The following MAPK8IP3 variants were observed in gnomAD, a reference collection of about 807,000 sequenced individuals.
The protein encoded by MAPK8IP3 is C-Jun-amino-terminal kinase-interacting protein 3.
Under a neutral mutation model 157.8 loss-of-function variants are expected in MAPK8IP3, and 49 were observed. The observed-to-expected ratio is 0.31, with a 90% confidence interval of 0.25 to 0.39. The LOEUF (loss-of-function observed/expected upper bound fraction) is 0.39, where lower values mean the gene tolerates loss of function less well. Ranked by LOEUF, MAPK8IP3 falls within the 10% of genes least tolerant of loss-of-function variation. The probability of loss-of-function intolerance (pLI) is 1.00; values close to 1 mark genes in which losing one functional copy is unlikely to be tolerated. For missense variants in MAPK8IP3, 1,478 were observed against 1,889.4 expected (o/e 0.78, Z 4.04); for synonymous variants, 897 against 777.7 (o/e 1.15, Z -2.55).
intron 8 of MAPK8IP3, 72 bp from the exon 9 acceptor site, chr16:1,758,076 G>A: frequency 6.7e-7 from 1 of 1,485,248 alleles, no homozygotes; most frequent in Non-Finnish European, 9.4e-7. Flanking sequence ...AGAATGTATT[G>A]TTAGTTCCAG....
chr16:1,765,353 C>A (rs1489510793), intron 20 of MAPK8IP3, among the ~76,000 whole-genome samples, 175 bp downstream of exon 20: 1 of 152,210 alleles, frequency 6.6e-6, no homozygotes, highest in Non-Finnish European at 1.5e-5. Flanking sequence ...GGCCCTGTTT[C>A]TGGGAGGAAG....
At chr16:1,730,485 A>G (rs1380117010) in intron 4 of MAPK8IP3, among the ~76,000 whole-genome samples, 2 of 152,048 alleles carry the variant, frequency 1.3e-5, no homozygotes, top group South Asian at 2.1e-4. Context: ...CACGCCTGTC[A>G]TTCCAGCACT....
chr16:1,768,006 G>A (rs971402513), intron 28 of MAPK8IP3, 63 bp from the exon 29 acceptor site: 2 of 1,610,070 alleles, frequency 1.2e-6, no homozygotes, highest in Admixed American at 3.3e-5. Context: ...CACCTTGGAG[G>A]GTGCCTTGCT....
chr16:1,749,595 T>A (rs1277329729), intron 8 of MAPK8IP3, among the ~76,000 whole-genome samples: 2 of 152,248 alleles, frequency 1.3e-5, no homozygotes, highest in Non-Finnish European at 2.9e-5. Flanking sequence ...TGGCATCTGC[T>A]GGCAGCTGAG....
chr16:1,754,626 C>T (rs1215046497), intron 8 of MAPK8IP3, among the ~76,000 whole-genome samples: 1 of 151,936 alleles, frequency 6.6e-6, no homozygotes, highest in African/African-American at 2.4e-5. Context: ...ACAAAAATTA[C>T]CCGGGTGTGG....
intron 11 of MAPK8IP3, 22 bp from the exon 12 acceptor site, chr16:1,760,358 C>A: frequency 6.2e-7 from 1 of 1,601,646 alleles, no homozygotes. Flanking sequence ...CGTGGCACTC[C>A]CATCTTTCTG....
At chr16:1,753,940 G>A (rs191668274) in intron 8 of MAPK8IP3, among the ~76,000 whole-genome samples, 1 of 151,354 alleles carries the variant, frequency 6.6e-6, no homozygotes, top group South Asian at 2.1e-4. Flanking sequence ...CTGGGAGGCC[G>A]AGGCGGGTGG....
At chr16:1,716,289 C>T (rs1298838246) in intron 1 of MAPK8IP3, among the ~76,000 whole-genome samples, 2 of 151,532 alleles carry the variant, frequency 1.3e-5, no homozygotes, top group African/African-American at 4.9e-5. Context: ...TTTTCGAAGA[C>T]CCTATGCTCT....
In MAPK8IP3 at chr16:1,741,603, C is replaced by A. The variant is rs1436827432; in HGVS notation, c.603-1729C>A. 6.6e-6 allele frequency among the ~76,000 whole-genome samples: 1 copy of A among 152,114 alleles called. No individual in the cohort carries two copies. The highest frequency in any genetic ancestry group is 2.4e-5 in the African/African-American group (1 of 41,408). ...GCCTCAGCAGAGGCGCTCCCCGCACCAGCGTTGGGAGCGCAGTGGAAGTGG... is the reference window on the plus strand; with the variant it reads ...GCCTCAGCAGAGGCGCTCCCCGCACAAGCGTTGGGAGCGCAGTGGAAGTGG... On this transcript the variant is annotated intron_variant, in intron 4 of 31. Transcript: ENST00000610761. This position sits in a 1 kb window ranked among gnomAD's most constrained non-coding sequence, Gnocchi z 6.9.
intron 11 of MAPK8IP3, 109 bp downstream of exon 11, chr16:1,760,124 CAGCAGCTG>C: frequency 8.2e-7 from 1 of 1,212,770 alleles, no homozygotes; most frequent in Non-Finnish European, 1.2e-6. Flanking sequence ...GCTCCAACGC[CAGCAGCTG>C]TCCTCATCTC....
chr16:1,739,233 TGA>T (rs748701393), intron 4 of MAPK8IP3, among the ~76,000 whole-genome samples: 55 of 124,938 alleles, frequency 4.4e-4, no homozygotes, highest in East Asian at 1.3e-3. Context: ...TGACCGTCCG[TGA>T]GAGTGTGACC....
intron 8 of MAPK8IP3, among the ~76,000 whole-genome samples, chr16:1,754,680 A>C (rs2041490859): frequency 6.6e-6 from 1 of 151,872 alleles, no homozygotes; most frequent in African/African-American, 2.4e-5. Flanking sequence ...CTGAGACAGG[A>C]GAATCACTTG....
In MAPK8IP3 at chr16:1,767,267, C is replaced by T. The variant is rs1001793139; in HGVS notation, c.3207C>T (p.His1069=). The T allele has an allele frequency of 2.2e-5, 36 of 1,613,134 alleles. No individual in the cohort carries two copies. Among genetic ancestry groups the T allele is most frequent in the East Asian group, 6.7e-5 (3 of 44,900 alleles). The change falls in exon 26 of 32, where the codon CAC becomes CAT. Residue 1069 remains histidine (H), a synonymous_variant. Transcript: ENST00000610761. ...GGTGTGGCTACAAGAACAAGGTGCACGTCATCCAGCCCAAGACCATGCAGA... is the reference window on the plus strand; with the variant it reads ...GGTGTGGCTACAAGAACAAGGTGCATGTCATCCAGCCCAAGACCATGCAGA... ...RVWCGYKNKV[H]VIQPKTMQIE...
At chr16:1,757,381 GGCGTGAGCCACCACGCCCT>G in intron 8 of MAPK8IP3, among the ~76,000 whole-genome samples, 1 of 152,326 alleles carries the variant, frequency 6.6e-6, no homozygotes, top group South Asian at 2.1e-4. Flanking sequence ...TGGGATTACA[GGCGTGAGCCACCACGCCCT>G]GCTCAAGTGA....
Position 1,766,772 on chromosome 16 carries a change from A to G in MAPK8IP3, c.2989A>G (p.Ile997Val), listed in dbSNP as rs563592320. 1 of 1,612,812 alleles carries G rather than the reference A, an allele frequency of 6.2e-7. No homozygotes were observed. The highest frequency in any genetic ancestry group is 1.3e-5 in the African/African-American group (1 of 75,058). Reference sequence around the variant, plus strand: ...CAACTGGAAGAAGTGCCTGCACTCCATCAAGCTGAAGGATTCTGTGCTGAG... The same window carrying G: ...CAACTGGAAGAAGTGCCTGCACTCCGTCAAGCTGAAGGATTCTGTGCTGAG... ...VANWKKCLHSIKLKDSVLSLV... is the reference protein window; with the variant it reads ...VANWKKCLHSVKLKDSVLSLV... Residue 997 changes from isoleucine to valine, a missense_variant, in exon 24 of 32, where the codon ATC (isoleucine) becomes GTC (valine). Around this residue, in one of 11 missense-constraint regions of MAPK8IP3, gnomAD observed 669 missense variants for 759.8 expected, o/e 0.88. Transcript: ENST00000610761.
intron 8 of MAPK8IP3, 107 bp downstream of exon 8, chr16:1,748,827 G>A (rs758275071): frequency 6.9e-6 from 7 of 1,020,728 alleles, no homozygotes; most frequent in Non-Finnish European, 9.3e-6. Context: ...CTGTGAGCTA[G>A]GAACCTTTTT....
chr16:1,714,397 C>G (rs1029573065), intron 1 of MAPK8IP3, among the ~76,000 whole-genome samples: 6 of 152,230 alleles, frequency 3.9e-5, no homozygotes, highest in Admixed American at 6.5e-5. Flanking sequence ...GGTGCATTTT[C>G]TTTTGAGCCA....
intron 1 of MAPK8IP3, among the ~76,000 whole-genome samples, chr16:1,720,201 A>AT (rs2038426333): frequency 6.6e-6 from 1 of 152,096 alleles, no homozygotes; most frequent in East Asian, 1.9e-4. Context: ...CGCCCAGCTG[A>AT]TTTTTTGTGT....
rs1028384933 is a variant in MAPK8IP3, at chr16:1,763,545, G to C, written c.1899-112G>C. On this transcript the variant is annotated intron_variant, in intron 16 of 31. Coordinates refer to ENST00000610761, the MANE Select transcript of MAPK8IP3 (RefSeq NM_001318852.2). The stretch of plus-strand genomic sequence containing the variant: ...GGGCACCCGGTGGCCGGGAAAAGGC[G>C]AGGATGGGCCCAGGCGGGCCTCCCT... 7 of 1,337,704 alleles carry C rather than the reference G, an allele frequency of 5.2e-6. No homozygotes were observed. The South Asian group carries it at 1.1e-4, about 22-fold the overall frequency. 82.9% of individuals were successfully genotyped at this position (1,337,704 alleles called of 1,614,324 possible). A position where few individuals can be genotyped will look rare whatever the true frequency, so the allele number is the denominator to read the frequency against.
Sources: gnomAD v4.1 joint callset for allele counts (sites outside exome capture counted in the v4.1 genomes callset) on GRCh38, gnomAD v4.1.1 for gene constraint, gnomAD v4.1.1 regional missense constraint, Gnocchi (gnomAD v3.1) non-coding constraint, MANE v1.5 for transcripts, NCBI Gene and HGNC (gene_info 2026-07-23, HGNC 2026-07-21) for gene names.